Variants in SEPTIN9 observed in about 807,000 individuals in gnomAD.
SEPTIN9 encodes the protein septin 9.
A neutral mutation model predicts 56.6 loss-of-function variants in SEPTIN9; 13 were observed. The observed-to-expected ratio is 0.23, with a 90% CI of 0.15 to 0.37. The LOEUF is 0.37. SEPTIN9 is among the 10% of genes least tolerant of loss of function. The pLI is 1.00. For synonymous variants in SEPTIN9, 332 were observed against 334.1 expected (o/e 0.99, Z 0.07); for missense variants, 650 against 823.1 (o/e 0.79, Z 2.57).
At position 77,319,382 on chromosome 17, in the gene SEPTIN9, C is replaced by T. The variant is rs1403794947; in HGVS notation, c.76+12185C>T. 2 of 262,410 alleles carry T rather than the reference C, an allele frequency of 7.6e-6. No homozygotes were observed. Among genetic ancestry groups the T allele is most frequent in the African/African-American group, 2.3e-5 (1 of 43,984 alleles). The allele number at this position is 262,410 out of a possible 1,614,324, so 16.3% of individuals were successfully genotyped here. A position where few individuals can be genotyped will look rare whatever the true frequency, so the allele number is the denominator to read the frequency against. ...CAGCACTGATCCCCCAGTGGGGCCC[C>T]GAGTTCCCGGAGAGGAAGACTCGCT... On this transcript the variant is annotated intron_variant, in intron 2 of 11. Transcript: ENST00000427177. This position sits in a 1 kb window ranked among gnomAD's most constrained non-coding sequence, Gnocchi z 5.3.
rs985831765 is a variant in SEPTIN9 at position 77,327,665 on chromosome 17, C to T, written c.76+20468C>T. 2.6e-5 allele frequency among the ~76,000 whole-genome samples: 4 copies of T among 152,104 alleles called. No homozygotes were observed. The highest frequency in any genetic ancestry group is 1.9e-4 in the East Asian group (1 of 5,172). On this transcript the variant is annotated intron_variant, in intron 2 of 11. Coordinates refer to ENST00000427177, the MANE Select transcript of SEPTIN9 (RefSeq NM_001113491.2). The surrounding 1 kb of genome is among the most constrained non-coding windows in gnomAD (Gnocchi z 5.0). ...GCCTTGAAATTGGGACAGAGAGTGG[C>T]GCAGATCTCAGCCCGGAGACTCCCT...
intron 1 of SEPTIN9, among the ~76,000 whole-genome samples, chr17:77,298,129 A>G (rs1374056348): frequency 6.6e-6 from 1 of 152,252 alleles, no homozygotes; most frequent in Non-Finnish European, 1.5e-5. Context: ...TGTTACCTCC[A>G]AAAGTCACAT....
chr17:77,366,790 G>A (rs563498275), intron 2 of SEPTIN9, among the ~76,000 whole-genome samples: 1 of 152,354 alleles, frequency 6.6e-6, no homozygotes, highest in African/African-American at 2.4e-5. Flanking sequence ...TCAGTCCCAA[G>A]TGCCGGAGCG....
chr17:77,332,102 C>G (rs1193087920), intron 2 of SEPTIN9, among the ~76,000 whole-genome samples: 2 of 151,936 alleles, frequency 1.3e-5, no homozygotes, highest in Admixed American at 1.3e-4. Context: ...ATAGTGAGAT[C>G]CCATCTCTAT....
intron 3 of SEPTIN9, among the ~76,000 whole-genome samples, chr17:77,478,662 G>T (rs1477908842): frequency 2.0e-5 from 3 of 152,136 alleles, no homozygotes; most frequent in Non-Finnish European, 2.9e-5. Context: ...AATTAGCCGG[G>T]CATGGTGGCG....
At chr17:77,356,675 T>TCCCCCC (rs2034258816) in intron 2 of SEPTIN9, among the ~76,000 whole-genome samples, 1 of 22,492 alleles carries the variant, frequency 4.4e-5, no homozygotes, top group Admixed American at 4.9e-4. Context: ...TCCCTCCCCC[T>TCCCCCC]CCCCTCCCCC....
intron 3 of SEPTIN9, among the ~76,000 whole-genome samples, chr17:77,420,987 A>G (rs1861798869): frequency 6.6e-6 from 1 of 152,196 alleles, no homozygotes; most frequent in Non-Finnish European, 1.5e-5. Flanking sequence ...CCCACAGTTA[A>G]GTGTCTGGAT....
chr17:77,453,658 T>G lies in SEPTIN9; in HGVS notation c.722-28486T>G, dbSNP rs2038070745. On this transcript the variant is annotated intron_variant, in intron 3 of 11. Coordinates refer to ENST00000427177, the MANE Select transcript of SEPTIN9 (RefSeq NM_001113491.2). The surrounding 1 kb of genome is among the most constrained non-coding windows in gnomAD (Gnocchi z 4.4). ...GGCCTGGGATCTGTCCTCCGAACAC[T>G]GGGTCCACTGTGCTCCACAAGGACT... 6.7e-6 allele frequency among the ~76,000 whole-genome samples: 1 copy of G among 149,648 alleles called. No homozygotes were observed. Among genetic ancestry groups the G allele is most frequent in the Non-Finnish European group, 1.5e-5 (1 of 67,754 alleles).
In SEPTIN9 at chr17:77,445,542, G is replaced by T. The variant is rs373559324; in HGVS notation, c.722-36602G>T. On this transcript the variant is annotated intron_variant, in intron 3 of 11. Transcript: ENST00000427177. This position sits in a 1 kb window ranked among gnomAD's most constrained non-coding sequence, Gnocchi z 4.7. ...TGCACGCACGTGTGTGTGTGTGTGC[G>T]TGCGTGCTGGGTGGGTAGGGAGGAA... 2.5e-6 allele frequency: 1 copy of T among 394,530 alleles called. No homozygotes were observed. The highest frequency in any genetic ancestry group is 3.1e-5 in the Admixed American group (1 of 32,496). The allele number at this position is 394,530 out of a possible 1,614,324, so 24.4% of individuals were successfully genotyped here.
At chr17:77,353,218 G>A (rs1474660022) in intron 2 of SEPTIN9, among the ~76,000 whole-genome samples, 1 of 152,174 alleles carries the variant, frequency 6.6e-6, no homozygotes, top group Non-Finnish European at 1.5e-5. Context: ...GAGGGCTTGT[G>A]TTCACGTCAG....
intron 3 of SEPTIN9, among the ~76,000 whole-genome samples, chr17:77,481,263 G>A (rs1020090624): frequency 5.3e-5 from 8 of 152,234 alleles, no homozygotes; most frequent in Non-Finnish European, 7.3e-5. Context: ...TAGTGATTTC[G>A]GGAAGTTCAG....
intron 2 of SEPTIN9, among the ~76,000 whole-genome samples, chr17:77,354,391 T>C (rs1027342447): frequency 1.3e-5 from 2 of 152,070 alleles, no homozygotes; most frequent in East Asian, 1.9e-4. Flanking sequence ...CTGGTTGGGG[T>C]CTGGGTCCCA....
At position 77,499,349 on chromosome 17, in the gene SEPTIN9, G is replaced by T; in HGVS notation, c.*691G>T. The T allele has an allele frequency of 1.7e-6, 1 of 589,960 alleles. No individual in the cohort carries two copies. Among genetic ancestry groups the T allele is most frequent in the Non-Finnish European group, 3.3e-6 (1 of 305,734 alleles). 36.5% of individuals were successfully genotyped at this position (589,960 alleles called of 1,614,324 possible). A position where few individuals can be genotyped will look rare whatever the true frequency, so the allele number is the denominator to read the frequency against. ...GCGGGGACAGGCTGGAATGAGGGAG[G>T]CGTCTTCATCTCCCTGCCATCCCCC... On this transcript the variant is annotated 3_prime_UTR_variant, in exon 12 of 12. Coordinates refer to ENST00000427177, the MANE Select transcript of SEPTIN9 (RefSeq NM_001113491.2).
chr17:77,298,871 C>T (rs186451225), intron 1 of SEPTIN9, among the ~76,000 whole-genome samples: 61 of 152,316 alleles, frequency 4.0e-4, no homozygotes, highest in Middle Eastern at 3.4e-3. Flanking sequence ...TGGAGTGCAG[C>T]GGTGCAATTG....
At chr17:77,373,428 AGGGCCC>A in intron 2 of SEPTIN9, 1 of 1,368,766 alleles carries the variant, frequency 7.3e-7, no homozygotes, top group Non-Finnish European at 9.5e-7. Flanking sequence ...GCCAGCGCGC[AGGGCCC>A]GGGCCCCGCC....
intron 3 of SEPTIN9, among the ~76,000 whole-genome samples, chr17:77,444,031 G>A (rs2037645986): frequency 6.6e-6 from 1 of 152,042 alleles, no homozygotes; most frequent in Non-Finnish European, 1.5e-5. Flanking sequence ...TGGGGGTGGG[G>A]GTCACATATG....
In SEPTIN9 at chr17:77,490,810, C is replaced by T; in HGVS notation, c.1331C>T (p.Ala444Val). 1 of 1,595,628 alleles carries T rather than the reference C, an allele frequency of 6.3e-7. No homozygotes were observed. The highest frequency in any genetic ancestry group is 8.5e-7 in the Non-Finnish European group (1 of 1,170,948). The part of the protein sequence containing the change: ...SKVVNIVPVI[A>V]KADTLTLEER... ...GTGGTCAACATCGTCCCTGTCATCGCCAAGGCGGACACACTCACCCTGGAG... is the reference window on the plus strand; with the variant it reads ...GTGGTCAACATCGTCCCTGTCATCGTCAAGGCGGACACACTCACCCTGGAG... Residue 444 changes from alanine (A) to valine (V), a missense_variant, in exon 8 of 12, where the codon GCC becomes GTC. Physicochemically the swap from Ala to Val is moderately conservative, Grantham distance 64. Transcript: ENST00000427177.
intron 3 of SEPTIN9, among the ~76,000 whole-genome samples, chr17:77,474,154 G>A (rs2039117475): frequency 6.6e-6 from 1 of 152,224 alleles, no homozygotes; most frequent in Non-Finnish European, 1.5e-5. Context: ...TCCTGGAGGT[G>A]GAGTTTTCAG....
chr17:77,296,860 A>G lies in SEPTIN9; in HGVS notation c.20-10281A>G, dbSNP rs189213020. The stretch of plus-strand genomic sequence containing the variant: ...AAAGTGAGACTCCATCTCAAAAAGA[A>G]AAAAAAGATAGATAGATGAATGGAT... On this transcript the variant is annotated intron_variant, in intron 1 of 11. Transcript: ENST00000427177. 3.0e-3 allele frequency among the ~76,000 whole-genome samples: 462 copies of G among 152,298 alleles called. 2 individuals carry two copies. The highest frequency in any genetic ancestry group is 9.8e-3 in the African/African-American group (407 of 41,548).
Sources: allele counts gnomAD v4.1 joint callset (sites outside exome capture counted in the v4.1 genomes callset), GRCh38; gene constraint gnomAD v4.1.1; non-coding constraint Gnocchi (gnomAD v3.1); transcripts MANE v1.5; gene names NCBI Gene and HGNC (gene_info 2026-07-23, HGNC 2026-07-21).